ANKRD10: variants seen among roughly 807,000 people sequenced by gnomAD.
ANKRD10 encodes the protein ankyrin repeat domain-containing protein 10.
ANKRD10 carries 14 observed loss-of-function variants against 27.0 expected under a neutral mutation model. That is an observed-to-expected ratio of 0.52 (90% confidence interval 0.34 to 0.81). The LOEUF is 0.81. Among genes scored for constraint, ANKRD10 ranks in the 40% least tolerant of loss-of-function variants. The pLI is 0.01. For missense variants in ANKRD10, 493 were observed against 544.0 expected (o/e 0.91, Z 0.93); for synonymous variants, 250 against 224.5 (o/e 1.11, Z -1.01).
At chr13:110,900,588 T>TGG in intron 3 of ANKRD10, 1 of 1,351,860 alleles carries the variant, frequency 7.4e-7, no homozygotes, top group Middle Eastern at 2.1e-4. Flanking sequence ...ATGCCACAAC[T>TGG]GTAAGGTTTT....
intron 3 of ANKRD10, chr13:110,894,993 A>G (rs2065190338): frequency 6.6e-6 from 1 of 152,206 alleles, no homozygotes; most frequent in Admixed American, 6.5e-5. Flanking sequence ...CACTTTCAAA[A>G]GATATCAGAA....
chr13:110,909,790 G>A (rs890399330), intron 2 of ANKRD10, among the ~76,000 whole-genome samples: 1 of 152,074 alleles, frequency 6.6e-6, no homozygotes, highest in African/African-American at 2.4e-5. Context: ...ACTGAATCTT[G>A]GGAAAGAAAA....
At chr13:110,903,135 C>A (rs1045055189) in intron 3 of ANKRD10, among the ~76,000 whole-genome samples, 2 of 152,192 alleles carry the variant, frequency 1.3e-5, no homozygotes, top group African/African-American at 2.4e-5. Context: ...AGTATATCCT[C>A]TTCTTCCAGT....
intron 2 of ANKRD10, 145 bp downstream of exon 2, chr13:110,910,473 A>G (rs1223489909): frequency 9.1e-7 from 1 of 1,100,904 alleles, no homozygotes; most frequent in Non-Finnish European, 1.3e-6. Context: ...CTCCACAAAC[A>G]ACTGAAGAAA....
chr13:110,906,822 G>C (rs1786917868), intron 2 of ANKRD10, among the ~76,000 whole-genome samples: 1 of 152,096 alleles, frequency 6.6e-6, no homozygotes, highest in Non-Finnish European at 1.5e-5. Context: ...GTGCAGAGGG[G>C]GTGGGGTGGC....
chr13:110,886,897 G>T (rs2064945896), intron 4 of ANKRD10, among the ~76,000 whole-genome samples: 1 of 152,092 alleles, frequency 6.6e-6, no homozygotes, highest in African/African-American at 2.4e-5. Flanking sequence ...TTTTCAAAGG[G>T]TCTTCACCTG....
At chr13:110,903,994 G>T (rs571775858) in intron 3 of ANKRD10, 3 of 152,228 alleles carry the variant, frequency 2.0e-5, no homozygotes, top group Admixed American at 1.3e-4. Flanking sequence ...ACACGTTGGT[G>T]GACTAAATGG....
chr13:110,893,074 G>A lies in ANKRD10; in HGVS notation c.645C>T (p.Cys215=). Residue 215 remains cysteine (C), a synonymous_variant, in exon 4 of 6, where the codon TGC becomes TGT. Transcript: ENST00000267339. ...HISVGTNRKR[C]LEDSEDFGVK... is the part of the protein sequence containing the mutation. The stretch of plus-strand genomic sequence containing the variant: ...CTCCAAAGTCTTCTGAGTCTTCCAA[G>A]CATCTCTTTCGATTTGTTCCCACAC... The A allele has an allele frequency of 6.2e-7, 1 of 1,614,204 alleles. No homozygotes were observed. The highest frequency in any genetic ancestry group is 8.5e-7 in the Non-Finnish European group (1 of 1,180,036).
intron 1 of ANKRD10, among the ~76,000 whole-genome samples, chr13:110,913,379 T>C (rs1390672531): frequency 1.3e-5 from 2 of 152,214 alleles, no homozygotes; most frequent in African/African-American, 4.8e-5. Context: ...TTATTACTTT[T>C]GTTTGTTAAG....
intron 3 of ANKRD10, chr13:110,894,316 A>C: frequency 1.7e-6 from 1 of 598,970 alleles, no homozygotes; most frequent in Non-Finnish European, 3.0e-6. Context: ...ATCCACAGCA[A>C]AAGCATGATG....
chr13:110,893,848 C>A (rs967428568), intron 3 of ANKRD10, among the ~76,000 whole-genome samples: 2 of 152,182 alleles, frequency 1.3e-5, no homozygotes, highest in Admixed American at 1.3e-4. Context: ...ATTGTTTTGG[C>A]CTTGCTTGGG....
chr13:110,902,021 C>CTAAA (rs1566480733), intron 3 of ANKRD10, among the ~76,000 whole-genome samples: 5 of 126,824 alleles, frequency 3.9e-5, no homozygotes, highest in Non-Finnish European at 7.9e-5. Flanking sequence ...TTAGCCTGGA[C>CTAAA]GACAAAGGGA....
intron 2 of ANKRD10, among the ~76,000 whole-genome samples, chr13:110,909,105 A>G (rs1429554023): frequency 6.6e-6 from 1 of 152,174 alleles, no homozygotes; most frequent in Admixed American, 6.5e-5. Flanking sequence ...AGACACTTTG[A>G]AAAGGGGGCT....
chr13:110,883,240 C>T (rs779728171), intron 5 of ANKRD10: 9 of 152,936 alleles, frequency 5.9e-5, no homozygotes, highest in Non-Finnish European at 1.3e-4. Flanking sequence ...TACTGCTAGT[C>T]GTCCTCTTTG....
chr13:110,913,509 C>T (rs1389074580), intron 1 of ANKRD10, among the ~76,000 whole-genome samples: 6 of 152,196 alleles, frequency 3.9e-5, no homozygotes, highest in African/African-American at 1.2e-4. Context: ...TGTCCCACCC[C>T]GATCGTCAAA....
intron 3 of ANKRD10, chr13:110,903,609 T>TTA (rs1362990207): frequency 1.3e-5 from 2 of 153,430 alleles, no homozygotes; most frequent in Non-Finnish European, 2.9e-5. Context: ...GCCCTTATTA[T>TTA]TATGTACCTG....
intron 4 of ANKRD10, among the ~76,000 whole-genome samples, chr13:110,889,560 TCTTCA>T (rs1186638514): frequency 9.2e-5 from 14 of 152,354 alleles, no homozygotes; most frequent in Admixed American, 3.3e-4. Context: ...AAGTCTTTCT[TCTTCA>T]CTTAAGATCT....
intron 3 of ANKRD10, chr13:110,900,503 G>GT (rs2065354192): frequency 8.0e-7 from 1 of 1,252,812 alleles, no homozygotes; most frequent in East Asian, 5.1e-5. Flanking sequence ...CTAGATTAGC[G>GT]TTAAAACCAA....
At chr13:110,891,950 T>C (rs2065086147) in intron 4 of ANKRD10, among the ~76,000 whole-genome samples, 1 of 148,402 alleles carries the variant, frequency 6.7e-6, no homozygotes, top group South Asian at 2.2e-4. Context: ...TGAGCTCAAG[T>C]AATCCTCCTG....
Sources: gnomAD v4.1 joint callset for allele counts (sites outside exome capture counted in the v4.1 genomes callset) on GRCh38, gnomAD v4.1.1 for gene constraint, MANE v1.5 for transcripts, NCBI Gene and HGNC (gene_info 2026-07-23, HGNC 2026-07-21) for gene names.